The following TSBP1 variants were observed in gnomAD, a reference collection of about 807,000 sequenced individuals.
TSBP1 encodes testis expressed basic protein 1, also known as testis-expressed basic protein 1.
In TSBP1, 56 loss-of-function variants were observed where a neutral mutation model predicts 68.8. That is an observed-to-expected ratio of 0.81 (90% CI 0.66 to 1.02). The LOEUF is 1.02. Ranked by LOEUF, TSBP1 falls within the 50% of genes least tolerant of loss-of-function variation. TSBP1 has a pLI of 0.00. For synonymous variants in TSBP1, 171 were observed against 208.7 expected, an observed-to-expected ratio of 0.82 and a Z score of 1.56; for missense variants, 502 against 641.2, an observed-to-expected ratio of 0.78 and a Z score of 2.34.
intron 1 of TSBP1, among the ~76,000 whole-genome samples, chr6:32,370,845 A>AC (rs925674140): frequency 8.7e-5 from 7 of 80,734 alleles, no homozygotes; most frequent in African/African-American, 2.6e-4. Flanking sequence ...TCGGGGGAGA[A>AC]AAAAAAGAAA....
chr6:32,371,162 T>C (rs1774376843), intron 1 of TSBP1, among the ~76,000 whole-genome samples: 1 of 125,708 alleles, frequency 8.0e-6, no homozygotes, highest in African/African-American at 2.9e-5. Flanking sequence ...GTAGTCAATA[T>C]GCCCTCTATT....
In TSBP1 at chr6:32,321,859, A is replaced by G. The variant is rs770797128; in HGVS notation, c.559+1258T>C. 3.9e-5 allele frequency among the ~76,000 whole-genome samples: 6 copies of G among 152,196 alleles called. No individual in the cohort carries two copies. Among genetic ancestry groups the G allele is most frequent in the Non-Finnish European group, 8.8e-5 (6 of 68,036 alleles). On this transcript the variant is annotated intron_variant, in intron 18 of 22. Transcript: ENST00000612031. The surrounding 1 kb of genome is among the most constrained non-coding windows in gnomAD (Gnocchi z 4.3). ...TCATGTTTAAAACTTGGAAAATTTT[A>G]CCTACTATCTGGATTAAGTGAGATG...
intron 6 of TSBP1, among the ~76,000 whole-genome samples, chr6:32,362,931 T>A (rs1773225683): frequency 6.6e-6 from 1 of 152,208 alleles, no homozygotes. Flanking sequence ...TTCTCCCATG[T>A]TAATTTTCTG....
intron 16 of TSBP1, 72 bp downstream of exon 17, chr6:32,330,517 C>CA: frequency 7.1e-7 from 1 of 1,418,332 alleles, no homozygotes; most frequent in Non-Finnish European, 9.8e-7. Flanking sequence ...GCATTTGAGA[C>CA]AGGGAACAGG....
chr6:32,316,941 T>A lies in TSBP1; in HGVS notation c.560-1149A>T, dbSNP rs956542709. Among the ~76,000 whole-genome samples, 1 of 151,966 alleles carries A rather than the reference T, an allele frequency of 6.6e-6. No homozygotes were observed. Among genetic ancestry groups the A allele is most frequent in the Admixed American group, 6.6e-5 (1 of 15,264 alleles). On this transcript the variant is annotated intron_variant, in intron 18 of 22. Transcript: ENST00000612031. This position sits in a 1 kb window ranked among gnomAD's most constrained non-coding sequence, Gnocchi z 4.5. Reference sequence around the variant, plus strand: ...GTGATGTTCTAAAAATACAAAAAAATTTCTCCTCCCTATTCTGAGTCAGTG... The same window carrying A: ...GTGATGTTCTAAAAATACAAAAAAAATTCTCCTCCCTATTCTGAGTCAGTG...
intron 8 of TSBP1, chr6:32,350,242 A>G (rs1429936044): frequency 4.4e-6 from 2 of 456,830 alleles, no homozygotes; most frequent in African/African-American, 4.0e-5. Flanking sequence ...TCCAAAATTC[A>G]CTTGTGCCCT....
rs1765446161 is a variant in TSBP1 at position 32,302,906 on chromosome 6, G to T, written c.581-277C>A. On this transcript the variant is annotated intron_variant, in intron 19 of 22. Transcript: ENST00000612031. The surrounding 1 kb of genome is among the most constrained non-coding windows in gnomAD (Gnocchi z 5.1). The stretch of plus-strand genomic sequence containing the variant: ...GTCAGTTCCCAGTACAGCAGTTAGC[G>T]GGACCCTTTTAAAGTGTCAGCAAGA... Among the ~76,000 whole-genome samples the T allele has an allele frequency of 6.6e-6, 1 of 152,060 alleles. No individual in the cohort carries two copies. Among genetic ancestry groups the T allele is most frequent in the Non-Finnish European group, 1.5e-5 (1 of 68,008 alleles).
chr6:32,308,179 A>G (rs1765959784), intron 19 of TSBP1, among the ~76,000 whole-genome samples: 1 of 151,922 alleles, frequency 6.6e-6, no homozygotes, highest in African/African-American at 2.4e-5. Flanking sequence ...TTATTTTTTT[A>G]TAGGAAAATA....
chr6:32,311,485 A>G (rs1201281539), intron 19 of TSBP1, among the ~76,000 whole-genome samples: 1 of 152,166 alleles, frequency 6.6e-6, no homozygotes, highest in Non-Finnish European at 1.5e-5. Context: ...ACAAGCCCTC[A>G]GGAGGGATTG....
At chr6:32,323,064 GA>G in intron 18 of TSBP1, 52 bp downstream of exon 19, 2 of 1,345,708 alleles carry the variant, frequency 1.5e-6, no homozygotes, top group Non-Finnish European at 2.1e-6. Context: ...TGACAGAAGT[GA>G]AATGAAGGGG....
At chr6:32,347,291 G>A (rs1583128454) in intron 9 of TSBP1, among the ~76,000 whole-genome samples, 1 of 149,386 alleles carries the variant, frequency 6.7e-6, no homozygotes, top group African/African-American at 2.4e-5. Flanking sequence ...AGCCTTCCAA[G>A]TAGCTGGGAC....
In TSBP1 at chr6:32,336,945, G is replaced by T. The variant is rs912769725; in HGVS notation, c.410-310C>A. ...AGTAGCAATTCAGGATATTGTGTCTGATTGCTTGGGCATCAGAAGGTGTCA... is the reference window on the plus strand; with the variant it reads ...AGTAGCAATTCAGGATATTGTGTCTTATTGCTTGGGCATCAGAAGGTGTCA... On this transcript the variant is annotated intron_variant, in intron 11 of 22. Coordinates refer to ENST00000612031, the Ensembl canonical transcript of TSBP1. The surrounding 1 kb of genome is among the most constrained non-coding windows in gnomAD (Gnocchi z 5.2). Among the ~76,000 whole-genome samples, 1 of 150,830 alleles carries T rather than the reference G, an allele frequency of 6.6e-6. No homozygotes were observed. The highest frequency in any genetic ancestry group is 1.9e-4 in the East Asian group (1 of 5,154).
intron 19 of TSBP1, among the ~76,000 whole-genome samples, chr6:32,307,702 A>T: frequency 6.6e-6 from 1 of 150,944 alleles, no homozygotes. Context: ...CTATGCTATA[A>T]GCTCACAACT....
intron 19 of TSBP1, among the ~76,000 whole-genome samples, chr6:32,310,761 A>ATATATATATATATTTTTTTTTTTT: frequency 6.9e-6 from 1 of 144,806 alleles, no homozygotes. Flanking sequence ...ATATATATAT[A>ATATATATATATATTTTTTTTTTTT]TTTTTAATCT....
At chr6:32,368,099 T>A (rs1018743348) in intron 3 of TSBP1, 142 bp from the exon 4 acceptor site, 1 of 679,366 alleles carries the variant, frequency 1.5e-6, no homozygotes, top group Non-Finnish European at 2.5e-6. Flanking sequence ...AACTAGGAAT[T>A]GTGCATAAGC....
At chr6:32,368,357 A>G (rs1774001545) in intron 3 of TSBP1, among the ~76,000 whole-genome samples, 3 of 152,150 alleles carry the variant, frequency 2.0e-5, no homozygotes, top group Admixed American at 2.0e-4. Context: ...CTTGTCAATC[A>G]TAATTACCCT....
In TSBP1 at chr6:32,314,056, T is replaced by TCCCCTCAC. The variant is rs1030799670; in HGVS notation, c.580+1708_580+1715dup. Among the ~76,000 whole-genome samples, 1 of 152,140 alleles carries TCCCCTCAC rather than the reference T, an allele frequency of 6.6e-6. No individual in the cohort carries two copies. The highest frequency in any genetic ancestry group is 2.4e-5 in the African/African-American group (1 of 41,432). ...CAAAGCTGCTACCTCTGTTTCCTCA[T>TCCCCTCAC]CCCCTCACCATTCCTCCCAAGAGCT... On this transcript the variant is annotated intron_variant, in intron 19 of 22. Coordinates refer to ENST00000612031, the Ensembl canonical transcript of TSBP1. The surrounding 1 kb of genome is among the most constrained non-coding windows in gnomAD (Gnocchi z 4.2).
In TSBP1 at chr6:32,315,775, C is replaced by T. The variant is rs1766885077; in HGVS notation, c.577G>A (p.Ala193Thr). Reference sequence around the variant, plus strand: ...AGCTGAGAAATAAAGAACTTACTTGCAGTTCTCTGCGAAATTACTAAAAAA... The same window carrying T: ...AGCTGAGAAATAAAGAACTTACTTGTAGTTCTCTGCGAAATTACTAAAAAA... The change falls in exon 19 of 23, where the codon GCA (alanine) becomes ACA (threonine). Residue 193 changes from alanine (A) to threonine (T), a missense_variant. By Grantham distance (58) the Ala-to-Thr change is moderately conservative (BLOSUM62 0). Coordinates refer to ENST00000612031, the Ensembl canonical transcript of TSBP1. The surrounding 1 kb of genome is among the most constrained non-coding windows in gnomAD (Gnocchi z 5.4). The T allele has an allele frequency of 3.3e-6, 5 of 1,514,082 alleles. No homozygotes were observed. Among genetic ancestry groups the T allele is most frequent in the African/African-American group, 1.4e-5 (1 of 72,488 alleles). 93.8% of individuals were successfully genotyped at this position (1,514,082 alleles called of 1,614,324 possible).
At position 32,304,033 on chromosome 6, in the gene TSBP1, T is replaced by C. The variant is rs1765549205; in HGVS notation, c.581-1404A>G. Among the ~76,000 whole-genome samples the C allele has an allele frequency of 6.6e-6, 1 of 152,194 alleles. No individual in the cohort carries two copies. The highest frequency in any genetic ancestry group is 1.5e-5 in the Non-Finnish European group (1 of 68,032). Reference sequence around the variant, plus strand: ...TTTTCCCAGCATTATTTCCTCTGGCTTCTCTTTTGCAACTTAACTCTCTAA... The same window carrying C: ...TTTTCCCAGCATTATTTCCTCTGGCCTCTCTTTTGCAACTTAACTCTCTAA... On this transcript the variant is annotated intron_variant, in intron 19 of 22. Transcript: ENST00000612031. This position sits in a 1 kb window ranked among gnomAD's most constrained non-coding sequence, Gnocchi z 4.8.
Sources: gnomAD v4.1 joint callset for allele counts (sites outside exome capture counted in the v4.1 genomes callset) on GRCh38, gnomAD v4.1.1 for gene constraint, Gnocchi (gnomAD v3.1) non-coding constraint, MANE v1.5 for transcripts, NCBI Gene and HGNC (gene_info 2026-07-23, HGNC 2026-07-21) for gene names.